The following PLA1A variants were observed in gnomAD, a reference collection of about 807,000 sequenced individuals.
The protein encoded by PLA1A is phospholipase A1 member A, also known as phosphatidylserine-specific phospholipase A1alpha.
In PLA1A, 47 loss-of-function variants were observed where a neutral mutation model predicts 49.4. The ratio of observed to expected loss-of-function variants is 0.95; its 90% CI spans 0.75 to 1.21. The LOEUF is 1.21. Ranked by LOEUF, PLA1A falls within the 50% of genes most tolerant of loss-of-function variation. The pLI is 0.00. For missense variants in PLA1A, 561 were observed against 563.9 expected, an observed-to-expected ratio of 0.99 and a Z score of 0.05; for synonymous variants, 224 against 207.9, an observed-to-expected ratio of 1.08 and a Z score of -0.67.
chr3:119,601,881 T>A (rs1048609818), intron 1 of PLA1A, among the ~76,000 whole-genome samples: 6 of 152,194 alleles, frequency 3.9e-5, no homozygotes, highest in African/African-American at 1.4e-4. Context: ...TTGTCAAGTG[T>A]TCTTTTTTTC....
intron 6 of PLA1A, among the ~76,000 whole-genome samples, chr3:119,616,549 A>T (rs1467516853): frequency 2.0e-5 from 3 of 152,246 alleles, no homozygotes; most frequent in African/African-American, 7.2e-5. Context: ...TTCTTAGCAG[A>T]CTAAATTTGT....
chr3:119,618,912 T>C (rs772108184), intron 7 of PLA1A, among the ~76,000 whole-genome samples: 41 of 152,136 alleles, frequency 2.7e-4, no homozygotes, highest in Admixed American at 6.5e-4. Context: ...CTTGACAAAA[T>C]AGTAAAGTAG....
At chr3:119,599,710 T>A (rs2082589571) in intron 1 of PLA1A, among the ~76,000 whole-genome samples, 1 of 152,120 alleles carries the variant, frequency 6.6e-6, no homozygotes, top group Non-Finnish European at 1.5e-5. Flanking sequence ...GAAGTGGGCT[T>A]ATAATAACAT....
rs149622019 is a variant in PLA1A at position 119,618,059 on chromosome 3, C to T, written c.795C>T (p.His265=). 6.7e-4 allele frequency: 1,084 copies of T among 1,614,000 alleles called. 1 individual carries two copies. Among genetic ancestry groups the T allele is most frequent in the Non-Finnish European group, 8.9e-4 (1,045 of 1,179,842 alleles). The change falls in exon 7 of 11, where the codon CAC becomes CAT. Residue 265 remains histidine (H), a synonymous_variant. Coordinates refer to ENST00000273371, the MANE Select transcript of PLA1A (RefSeq NM_015900.4). ...YLICDHMRAV[H]LYISALENSC... ...TCTGTGATCACATGAGGGCTGTGCACCTCTACATCAGCGCCCTGGAGAATT... is the reference window on the plus strand; with the variant it reads ...TCTGTGATCACATGAGGGCTGTGCATCTCTACATCAGCGCCCTGGAGAATT...
At chr3:119,613,506 C>A (rs2082798219) in intron 5 of PLA1A, among the ~76,000 whole-genome samples, 1 of 152,246 alleles carries the variant, frequency 6.6e-6, no homozygotes, top group African/African-American at 2.4e-5. Context: ...TCCCAAGGTA[C>A]TGGGCCATTC....
rs79555895 is a variant in PLA1A, at chr3:119,599,103, G to A, written c.73+1117G>A. Reference sequence around the variant, plus strand: ...AATGGGCTGAGCTGATGGGGAATAGGCTCTGTCTGGGTCGGGCTAACCCAG... The same window carrying A: ...AATGGGCTGAGCTGATGGGGAATAGACTCTGTCTGGGTCGGGCTAACCCAG... On this transcript the variant is annotated intron_variant, in intron 1 of 10. Transcript: ENST00000273371. 9.7e-3 allele frequency among the ~76,000 whole-genome samples: 1,478 copies of A among 152,230 alleles called. 22 individuals carry two copies. The highest frequency in any genetic ancestry group is 0.033 in the African/African-American group (1,351 of 41,524).
Position 119,619,654 on chromosome 3 carries a change from T to C in PLA1A, c.1012+2T>C. ...CTACTTCCAGTGCTCCGTACTGCAG[T>C]GAGTAGGGGGAAATGCATGAGCTCA... On this transcript the variant is annotated splice_donor_variant, in intron 8 of 10. Transcript: ENST00000273371. LOFTEE classifies it high-confidence loss of function. The C allele has an allele frequency of 6.3e-7, 1 of 1,589,756 alleles. No individual in the cohort carries two copies. Among genetic ancestry groups the C allele is most frequent in the Non-Finnish European group, 8.6e-7 (1 of 1,157,788 alleles).
chr3:119,623,723 T>TAC (rs1560087919), intron 8 of PLA1A, among the ~76,000 whole-genome samples: 4 of 136,944 alleles, frequency 2.9e-5, no homozygotes, highest in African/African-American at 1.1e-4. Flanking sequence ...CTTTCTTTTT[T>TAC]TTTTTTTTTT....
intron 9 of PLA1A, among the ~76,000 whole-genome samples, chr3:119,628,248 G>T (rs567963697): frequency 1.3e-5 from 2 of 152,200 alleles, no homozygotes; most frequent in Admixed American, 1.3e-4. Flanking sequence ...CTCTGTCTGC[G>T]CTTCATGATG....
chr3:119,614,392 A>G (rs2082815204), intron 5 of PLA1A, among the ~76,000 whole-genome samples: 1 of 152,118 alleles, frequency 6.6e-6, no homozygotes, highest in African/African-American at 2.4e-5. Context: ...TCACAAGGTC[A>G]GGAGATCGAG....
intron 5 of PLA1A, 142 bp downstream of exon 5, chr3:119,613,260 G>A (rs1254948082): frequency 4.5e-5 from 26 of 581,882 alleles, no homozygotes; most frequent in Non-Finnish European, 4.9e-5. Context: ...TTACCAAAAT[G>A]CTATTGAAAG....
At chr3:119,620,438 A>G (rs2082913862) in intron 8 of PLA1A, among the ~76,000 whole-genome samples, 1 of 152,206 alleles carries the variant, frequency 6.6e-6, no homozygotes, top group African/African-American at 2.4e-5. Context: ...GCCTGGTGCC[A>G]TATGACATGG....
At chr3:119,600,365 C>T in intron 1 of PLA1A, 1 of 702,826 alleles carries the variant, frequency 1.4e-6, no homozygotes, top group East Asian at 2.7e-5. Flanking sequence ...CTCAGGCGTC[C>T]TCTCCTCCAG....
intron 9 of PLA1A, among the ~76,000 whole-genome samples, chr3:119,627,725 G>A (rs2052563109): frequency 6.6e-6 from 1 of 152,074 alleles, no homozygotes; most frequent in South Asian, 2.1e-4. Flanking sequence ...GGCCCCACAA[G>A]TCAAATTCCT....
At chr3:119,618,332 G>A in intron 7 of PLA1A, 146 bp downstream of exon 7, 1 of 733,954 alleles carries the variant, frequency 1.4e-6, no homozygotes, top group Non-Finnish European at 2.3e-6. Context: ...TGCTCAGCCT[G>A]TTCTTACTTG....
intron 1 of PLA1A, among the ~76,000 whole-genome samples, chr3:119,604,832 G>T (rs1434892742): frequency 6.6e-6 from 1 of 152,194 alleles, no homozygotes; most frequent in Non-Finnish European, 1.5e-5. Context: ...AGGCACATGG[G>T]ATGGGCTTGT....
At chr3:119,598,106 T>C (rs1181449839) in intron 1 of PLA1A, 120 bp downstream of exon 1, 24 of 581,274 alleles carry the variant, frequency 4.1e-5, no homozygotes, top group Non-Finnish European at 3.0e-6. Context: ...TCTTCTGAGG[T>C]GAATTTAAAA....
At chr3:119,601,986 A>G (rs1244078730) in intron 1 of PLA1A, among the ~76,000 whole-genome samples, 2 of 152,030 alleles carry the variant, frequency 1.3e-5, no homozygotes, top group Non-Finnish European at 2.9e-5. Flanking sequence ...AACAGCCTTT[A>G]ATTCTTTGCA....
chr3:119,607,026 C>A, intron 2 of PLA1A, 51 bp downstream of exon 2: 1 of 1,404,046 alleles, frequency 7.1e-7, no homozygotes, highest in South Asian at 1.2e-5. Flanking sequence ...GATCAAGTAA[C>A]CATAATACCA....
Sources: allele counts gnomAD v4.1 joint callset (sites outside exome capture counted in the v4.1 genomes callset), GRCh38; gene constraint gnomAD v4.1.1; transcripts MANE v1.5; gene names NCBI Gene and HGNC (gene_info 2026-07-23, HGNC 2026-07-21).